The following TRIO variants were observed in gnomAD, a reference collection of about 807,000 sequenced individuals.
The protein encoded by TRIO is trio Rho guanine nucleotide exchange factor.
In TRIO, 58 loss-of-function variants were observed where a neutral mutation model predicts 351.9. That is an observed-to-expected ratio of 0.16 (90% CI 0.13 to 0.21). The LOEUF (loss-of-function observed/expected upper bound fraction) is 0.21, where lower values mean the gene tolerates loss of function less well. TRIO is among the 10% of genes least tolerant of loss of function. The pLI is 1.00. For synonymous variants in TRIO, 1,758 were observed against 1,595.7 expected (o/e 1.10, Z -2.42); for missense variants, 3,201 against 4,027.8 (o/e 0.79, Z 5.56).
intron 3 of TRIO, among the ~76,000 whole-genome samples, chr5:14,281,424 A>ACCCCCCCCCCCCCCCCCCCCCCCCC (rs3061076): frequency 2.2e-5 from 2 of 89,332 alleles, no homozygotes; most frequent in African/African-American, 4.7e-5. Flanking sequence ...AGCCGTTAGA[A>ACCCCCCCCCCCCCCCCCCCCCCCCC]CCCCCCCCCC....
chr5:14,345,424 T>C (rs879546020), intron 11 of TRIO, among the ~76,000 whole-genome samples: 1 of 152,120 alleles, frequency 6.6e-6, no homozygotes, highest in Non-Finnish European at 1.5e-5. Context: ...AAATGGAGGG[T>C]TGTAAATGTC....
intron 1 of TRIO, among the ~76,000 whole-genome samples, chr5:14,168,699 G>GGT (rs762956790): frequency 1.7e-4 from 26 of 152,278 alleles, no homozygotes; most frequent in Non-Finnish European, 2.5e-4. Flanking sequence ...TCTTTGACTT[G>GGT]GTGAGTGCCA....
At chr5:14,468,039 A>G (rs1290103739) in intron 37 of TRIO, among the ~76,000 whole-genome samples, 1 of 152,218 alleles carries the variant, frequency 6.6e-6, no homozygotes, top group Non-Finnish European at 1.5e-5. Context: ...ATGGTTTCCC[A>G]GGGAACGCTG....
chr5:14,481,212 G>A (rs1755487413), intron 43 of TRIO, 22 bp from the exon 44 acceptor site: 2 of 1,611,200 alleles, frequency 1.2e-6, no homozygotes, highest in Non-Finnish European at 8.5e-7. Flanking sequence ...CCATTATCAT[G>A]TCCTCTCCAT....
At chr5:14,409,641 T>C (rs1749019640) in intron 33 of TRIO, among the ~76,000 whole-genome samples, 1 of 152,150 alleles carries the variant, frequency 6.6e-6, no homozygotes, top group South Asian at 2.1e-4. Context: ...GAGACCATCC[T>C]GGCTAACATG....
chr5:14,505,286 G>A (rs945605170), intron 55 of TRIO, among the ~76,000 whole-genome samples: 2 of 152,258 alleles, frequency 1.3e-5, no homozygotes, highest in Non-Finnish European at 2.9e-5. Context: ...GCGGCCGGAG[G>A]CCAGGGATGC....
intron 11 of TRIO, among the ~76,000 whole-genome samples, chr5:14,357,195 G>A (rs184807589): frequency 2.6e-5 from 4 of 152,326 alleles, no homozygotes; most frequent in African/African-American, 9.6e-5. Flanking sequence ...TGAGTCTTGA[G>A]GCAGCAGGCG....
chr5:14,151,630 G>A (rs1396775691), intron 1 of TRIO, among the ~76,000 whole-genome samples: 1 of 152,190 alleles, frequency 6.6e-6, no homozygotes, highest in Non-Finnish European at 1.5e-5. Context: ...TGAAAATGAT[G>A]TGCATATGAG....
At chr5:14,200,058 A>G (rs1390964444) in intron 1 of TRIO, among the ~76,000 whole-genome samples, 1 of 152,228 alleles carries the variant, frequency 6.6e-6, no homozygotes, top group Non-Finnish European at 1.5e-5. Context: ...TGTCCTGGCA[A>G]CTAGACAGTG....
chr5:14,430,235 A>AT (rs1750986611), intron 34 of TRIO, among the ~76,000 whole-genome samples: 2 of 148,914 alleles, frequency 1.3e-5, no homozygotes, highest in Non-Finnish European at 3.0e-5. Flanking sequence ...AAAAAAAAAA[A>AT]TTGTCCTTTT....
At chr5:14,470,924 C>T (rs1236557084) in intron 37 of TRIO, among the ~76,000 whole-genome samples, 2 of 152,180 alleles carry the variant, frequency 1.3e-5, no homozygotes, top group Non-Finnish European at 2.9e-5. Context: ...GCCTGACCCA[C>T]GCACATCCCA....
intron 21 of TRIO, 26 bp from the exon 22 acceptor site, chr5:14,387,412 C>G: frequency 6.3e-7 from 1 of 1,578,584 alleles, no homozygotes. Context: ...ATTTGCCTCA[C>G]AATACTTTCC....
At chr5:14,172,200 T>A (rs2152127109) in intron 1 of TRIO, among the ~76,000 whole-genome samples, 1 of 152,362 alleles carries the variant, frequency 6.6e-6, no homozygotes, top group South Asian at 2.1e-4. Flanking sequence ...AGATTGTGCA[T>A]ATTTTTGTTT....
At chr5:14,193,753 A>G (rs1299483821) in intron 1 of TRIO, among the ~76,000 whole-genome samples, 1 of 152,178 alleles carries the variant, frequency 6.6e-6, no homozygotes, top group Admixed American at 6.5e-5. Context: ...TTATTTCCAG[A>G]TACATTTATG....
rs566153111 is a variant in TRIO, at chr5:14,506,477, G to A, written c.8613-645G>A. 8.5e-5 allele frequency among the ~76,000 whole-genome samples: 13 copies of A among 152,334 alleles called. 1 individual carries two copies. In the South Asian group the frequency reaches 2.3e-3, roughly 27 times the overall value. On this transcript the variant is annotated intron_variant, in intron 55 of 56. Coordinates refer to ENST00000344204, the MANE Select transcript of TRIO (RefSeq NM_007118.4). ...TCTGGAGCTGTGGGACCTTGGGAACGTTTCATGCTTTCTCTGTCCTGAGTT... is the reference window on the plus strand; with the variant it reads ...TCTGGAGCTGTGGGACCTTGGGAACATTTCATGCTTTCTCTGTCCTGAGTT...
At chr5:14,410,475 C>T (rs76886768) in intron 33 of TRIO, among the ~76,000 whole-genome samples, 35 of 152,304 alleles carry the variant, frequency 2.3e-4, no homozygotes, top group Non-Finnish European at 4.1e-4. Context: ...TCTCCGGTGA[C>T]GGTAATTTTC....
chr5:14,329,372 G>T (rs1740698627), intron 9 of TRIO, among the ~76,000 whole-genome samples: 1 of 152,200 alleles, frequency 6.6e-6, no homozygotes, highest in African/African-American at 2.4e-5. Flanking sequence ...GGCCATGAGG[G>T]CTTCACCCTT....
chr5:14,492,536 C>T, intron 48 of TRIO, 31 bp from the exon 49 acceptor site: 1 of 1,608,556 alleles, frequency 6.2e-7, no homozygotes, highest in South Asian at 1.1e-5. Flanking sequence ...TTCCTCCCTG[C>T]CTTTCTCTGT....
Position 14,498,251 on chromosome 5 carries a change from G to A in TRIO, c.8210G>A (p.Ser2737Asn), listed in dbSNP as rs1296826383. Residue 2737 changes from serine to asparagine, a missense_variant and splice_region_variant, in exon 52 of 57, where the codon AGT (serine) becomes AAT (asparagine). Physicochemically the swap from Ser to Asn is conservative, Grantham distance 46. Around this residue, in one of 19 missense-constraint regions of TRIO, gnomAD observed 1,089 missense variants for 954.9 expected, o/e 1.14. Transcript: ENST00000344204. ...GATGGTCACTACAGCATCTCCTACA[G>A]GTGAGGGAGGCCCACTCCTGGTGGG... ...NNDGHYSISY[S>N]DLGEATLKIV... 6.2e-7 allele frequency: 1 copy of A among 1,613,426 alleles called. No homozygotes were observed. Among genetic ancestry groups the A allele is most frequent in the East Asian group, 2.2e-5 (1 of 44,882 alleles).
Sources: gnomAD v4.1 joint callset for allele counts (sites outside exome capture counted in the v4.1 genomes callset) on GRCh38, gnomAD v4.1.1 for gene constraint, gnomAD v4.1.1 regional missense constraint, MANE v1.5 for transcripts, NCBI Gene and HGNC (gene_info 2026-07-23, HGNC 2026-07-21) for gene names.